CPSF2: variants seen among roughly 807,000 people sequenced by gnomAD.
CPSF2 encodes the protein cleavage and polyadenylation specificity factor subunit 2.
Under a neutral mutation model 84.2 loss-of-function variants are expected in CPSF2, and 51 were observed. That is an observed-to-expected ratio of 0.61 (90% confidence interval 0.48 to 0.77). CPSF2 has a LOEUF of 0.77. Among genes scored for constraint, CPSF2 ranks in the 30% least tolerant of loss-of-function variants. The probability of loss-of-function intolerance (pLI) is 0.00; values close to 1 mark genes in which losing one functional copy is unlikely to be tolerated. For synonymous variants in CPSF2, 286 were observed against 311.9 expected, an observed-to-expected ratio of 0.92 and a Z score of 0.87; for missense variants, 641 against 929.4, an observed-to-expected ratio of 0.69 and a Z score of 4.03.
chr14:92,151,023 T>C (rs1368898192), intron 9 of CPSF2, among the ~76,000 whole-genome samples: 1 of 152,216 alleles, frequency 6.6e-6, no homozygotes, highest in Non-Finnish European at 1.5e-5. Context: ...CTGGATAACT[T>C]GGTGAACTAG....
intron 9 of CPSF2, among the ~76,000 whole-genome samples, chr14:92,144,078 C>T (rs558887313): frequency 7.2e-5 from 11 of 152,306 alleles, no homozygotes; most frequent in African/African-American, 2.6e-4. Context: ...TTCCTAGCTA[C>T]TTATCTTCCA....
rs2069436217 is a variant in CPSF2 at position 92,165,759 on chromosome 14, T to C, written c.*4015T>C. 1 of 151,926 alleles carries C rather than the reference T, an allele frequency of 6.6e-6. No individual in the cohort carries two copies. The highest frequency in any genetic ancestry group is 1.9e-4 in the East Asian group (1 of 5,198). The allele number at this position is 151,926 out of a possible 1,614,324, so 9.4% of individuals were successfully genotyped here. ...TCCATTCTGTGGCTTGTCTTTTCAC[T>C]TTCTTCGTAGTGTAGTTTGAAGCAC... On this transcript the variant is annotated 3_prime_UTR_variant, in exon 16 of 16. Coordinates refer to ENST00000298875, the MANE Select transcript of CPSF2 (RefSeq NM_017437.3).
intron 11 of CPSF2, 67 bp from the exon 12 acceptor site, chr14:92,156,412 C>A (rs1183862625): frequency 3.1e-6 from 4 of 1,297,270 alleles, no homozygotes; most frequent in Non-Finnish European, 4.2e-6. Flanking sequence ...ATGCCACCTA[C>A]TAGTCATATA....
rs931804463 is a variant in CPSF2, at chr14:92,166,831, T to A, written c.*5087T>A. ...TTTGTTCCTGGACTTGAAATTATGTTTCATTGATCTATATATCTATGCTAG... is the reference window on the plus strand; with the variant it reads ...TTTGTTCCTGGACTTGAAATTATGTATCATTGATCTATATATCTATGCTAG... On this transcript the variant is annotated 3_prime_UTR_variant, in exon 16 of 16. Transcript: ENST00000298875. 1 of 152,108 alleles carries A rather than the reference T, an allele frequency of 6.6e-6. No homozygotes were observed. The highest frequency in any genetic ancestry group is 1.5e-5 in the Non-Finnish European group (1 of 68,002). The allele number at this position is 152,108 out of a possible 1,614,324, so 9.4% of individuals were successfully genotyped here.
intron 5 of CPSF2, among the ~76,000 whole-genome samples, chr14:92,134,816 C>T (rs1414589372): frequency 6.6e-6 from 1 of 152,122 alleles, no homozygotes; most frequent in Non-Finnish European, 1.5e-5. Flanking sequence ...TATTTATCAT[C>T]TACAGAGATA....
rs1431897675 is a variant in CPSF2 at position 92,142,309 on chromosome 14, A to C, written c.807A>C (p.Leu269=). The C allele has an allele frequency of 1.2e-6, 2 of 1,613,766 alleles. No homozygotes were observed. The highest frequency in any genetic ancestry group is 1.7e-6 in the Non-Finnish European group (2 of 1,179,784). The change falls in exon 8 of 16, where the codon CTA becomes CTC. Residue 269 remains leucine, a synonymous_variant. Transcript: ENST00000298875. ...TGGGTGTTTACTCATTGGCACTCCTAAATAATGTCAGTTACAATGTGGTGG... is the reference window on the plus strand; with the variant it reads ...TGGGTGTTTACTCATTGGCACTCCTCAATAATGTCAGTTACAATGTGGTGG... The part of the protein sequence containing the change: ...AGLGVYSLAL[L]NNVSYNVVEF...
chr14:92,139,915 A>T (rs1023827192), intron 7 of CPSF2, among the ~76,000 whole-genome samples: 12 of 138,096 alleles, frequency 8.7e-5, no homozygotes, highest in Non-Finnish European at 1.9e-4. Context: ...GTTTTCAACC[A>T]TTGTTTTTAG....
intron 1 of CPSF2, among the ~76,000 whole-genome samples, chr14:92,123,540 C>T (rs895997879): frequency 2.0e-5 from 3 of 151,868 alleles, no homozygotes; most frequent in African/African-American, 7.3e-5. Context: ...CTGGGGTCAC[C>T]AGCGCAGCCA....
intron 7 of CPSF2, 44 bp downstream of exon 7, chr14:92,138,391 C>A: frequency 9.5e-7 from 1 of 1,048,596 alleles, no homozygotes; most frequent in Non-Finnish European, 1.4e-6. Context: ...TATTTTGTAA[C>A]TTTTTGTATA....
chr14:92,134,159 G>A lies in CPSF2; in HGVS notation c.298G>A (p.Asp100Asn). Reference protein sequence around the residue: ...VYKMGQMFMYDLYQSRHNTED... With the variant: ...VYKMGQMFMYNLYQSRHNTED... ...TAAAATGGGACAGATGTTCATGTAT[G>A]ATCTTTATCAGGTAATTTAAGCAAT... Residue 100 changes from aspartate to asparagine, a missense_variant, in exon 4 of 16, where the codon GAT (aspartate) becomes AAT (asparagine). Around this residue, in one of 2 missense-constraint regions of CPSF2, gnomAD observed 211 missense variants for 375.7 expected, o/e 0.56. Coordinates refer to ENST00000298875, the MANE Select transcript of CPSF2 (RefSeq NM_017437.3). 1 of 1,614,066 alleles carries A rather than the reference G, an allele frequency of 6.2e-7. No individual in the cohort carries two copies. The highest frequency in any genetic ancestry group is 2.2e-5 in the East Asian group (1 of 44,884).
chr14:92,129,803 A>G (rs558876402), intron 2 of CPSF2, among the ~76,000 whole-genome samples: 1 of 152,210 alleles, frequency 6.6e-6, no homozygotes, highest in South Asian at 2.1e-4. Context: ...TGCCCAGTCT[A>G]GTGGCGCACT....
rs1403603531 is a variant in CPSF2, at chr14:92,163,921, G to T, written c.*2177G>T. 1.3e-5 allele frequency: 2 copies of T among 152,292 alleles called. No homozygotes were observed. The highest frequency in any genetic ancestry group is 2.4e-5 in the African/African-American group (1 of 41,426). 9.4% of individuals were successfully genotyped at this position (152,292 alleles called of 1,614,324 possible). A position where few individuals can be genotyped will look rare whatever the true frequency, so the allele number is the denominator to read the frequency against. ...AATTTTGTATTTTTAGTAGAGACGG[G>T]GTTTCTCCATGTTGGTTAGGCTGGC... On this transcript the variant is annotated 3_prime_UTR_variant, in exon 16 of 16. Coordinates refer to ENST00000298875, the MANE Select transcript of CPSF2 (RefSeq NM_017437.3).
rs768832098 is a variant in CPSF2 at position 92,135,396 on chromosome 14, C to T, written c.445C>T (p.Leu149=). The stretch of plus-strand genomic sequence containing the variant: ...AGGACATGGCCTGTCTATCACACCT[C>T]TGCCAGCTGGTCATATGATAGGTGG... ...GKGHGLSITP[L]PAGHMIGGTI... The change falls in exon 6 of 16, where the codon CTG becomes TTG. Residue 149 remains leucine, a synonymous_variant. Transcript: ENST00000298875. The T allele has an allele frequency of 1.9e-6, 3 of 1,613,610 alleles. No homozygotes were observed. The highest frequency in any genetic ancestry group is 2.5e-6 in the Non-Finnish European group (3 of 1,179,722).
intron 2 of CPSF2, among the ~76,000 whole-genome samples, chr14:92,128,446 G>C (rs562725410): frequency 7.9e-5 from 12 of 152,272 alleles, no homozygotes; most frequent in African/African-American, 2.9e-4. Context: ...TCGTGACACT[G>C]CACTCCAGCC....
In CPSF2 at chr14:92,161,979, G is replaced by A; in HGVS notation, c.*235G>A. The A allele has an allele frequency of 3.1e-6, 1 of 318,586 alleles. No homozygotes were observed. Among genetic ancestry groups the A allele is most frequent in the Non-Finnish European group, 5.7e-6 (1 of 176,424 alleles). The allele number at this position is 318,586 out of a possible 1,614,324, so 19.7% of individuals were successfully genotyped here. A position where few individuals can be genotyped will look rare whatever the true frequency, so the allele number is the denominator to read the frequency against. On this transcript the variant is annotated 3_prime_UTR_variant, in exon 16 of 16. Coordinates refer to ENST00000298875, the MANE Select transcript of CPSF2 (RefSeq NM_017437.3). ...TCCTAACAGGTGTACAGGCCCAAGAGTTGAAGGTGATTGGTTTTCTTTACA... is the reference window on the plus strand; with the variant it reads ...TCCTAACAGGTGTACAGGCCCAAGAATTGAAGGTGATTGGTTTTCTTTACA...
rs1443494962 is a variant in CPSF2 at position 92,135,906 on chromosome 14, T to C, written c.545+410T>C. Among the ~76,000 whole-genome samples the C allele has an allele frequency of 2.6e-5, 4 of 152,336 alleles. No individual in the cohort carries two copies. In the East Asian group the frequency reaches 7.7e-4, roughly 29 times the overall value. On this transcript the variant is annotated intron_variant, in intron 6 of 15. Coordinates refer to ENST00000298875, the MANE Select transcript of CPSF2 (RefSeq NM_017437.3). ...TCTTATAGCTCCCATAATTCCCACA[T>C]GTTGTGGGTGGGACCCGGTGGGAGA... is the stretch of plus-strand genomic sequence containing the variant.
At chr14:92,161,399 T>C (rs1250917319) in intron 15 of CPSF2, among the ~76,000 whole-genome samples, 153 bp downstream of exon 15, 1 of 152,218 alleles carries the variant, frequency 6.6e-6, no homozygotes, top group Admixed American at 6.5e-5. Flanking sequence ...AGAAGTCTTA[T>C]TGACTTGAAG....
chr14:92,143,254 T>C lies in CPSF2; in HGVS notation c.1100T>C (p.Phe367Ser). 6.2e-7 allele frequency: 1 copy of C among 1,611,384 alleles called. No homozygotes were observed. Among genetic ancestry groups the C allele is most frequent in the Non-Finnish European group, 8.5e-7 (1 of 1,178,656 alleles). The change falls in exon 9 of 16, where the codon TTC (phenylalanine) becomes TCC (serine). Residue 367 changes from phenylalanine (F) to serine (S), a missense_variant. Coordinates refer to ENST00000298875, the MANE Select transcript of CPSF2 (RefSeq NM_017437.3). ...YRTTPGTLAR[F>S]LIDNPSEKIT... ...ACTACTCCTGGGACTTTAGCACGTT[T>C]CCTAATTGATAATCCTTCTGAAAAA...
chr14:92,155,311 G>A lies in CPSF2; in HGVS notation c.1430G>A (p.Gly477Glu). 1.2e-6 allele frequency: 2 copies of A among 1,613,572 alleles called. No homozygotes were observed. Among genetic ancestry groups the A allele is most frequent in the Non-Finnish European group, 1.7e-6 (2 of 1,179,544 alleles). The change falls in exon 11 of 16, where the codon GGA becomes GAA. Residue 477 changes from glycine to glutamate, a missense_variant. Gly to Glu is a moderately conservative substitution (Grantham distance 98). This residue lies in a region of CPSF2 where 430 missense variants were observed against 553.6 expected (regional missense o/e 0.78). Coordinates refer to ENST00000298875, the MANE Select transcript of CPSF2 (RefSeq NM_017437.3). ...PEERIKWDEYGEIIKPEDFLV... is the reference protein window; with the variant it reads ...PEERIKWDEYEEIIKPEDFLV... The stretch of plus-strand genomic sequence containing the variant: ...GAAAGAATTAAATGGGATGAATATG[G>A]AGAGATTATCAAGTATGTGAGCAAA...
Sources: gnomAD v4.1 joint callset for allele counts (sites outside exome capture counted in the v4.1 genomes callset) on GRCh38, gnomAD v4.1.1 for gene constraint, gnomAD v4.1.1 regional missense constraint, MANE v1.5 for transcripts, NCBI Gene and HGNC (gene_info 2026-07-23, HGNC 2026-07-21) for gene names.